Variants in SYT1 observed in about 807,000 individuals in gnomAD.
SYT1 encodes the protein synaptotagmin 1.
In SYT1, 8 loss-of-function variants were observed where a neutral mutation model predicts 44.8. The observed-to-expected ratio is 0.18, with a 90% CI of 0.10 to 0.32. The LOEUF (loss-of-function observed/expected upper bound fraction) is 0.32. Ranked by LOEUF, SYT1 falls within the 10% of genes least tolerant of loss-of-function variation. The pLI, the probability that SYT1 is intolerant of heterozygous loss-of-function variation, is 1.00. For missense variants in SYT1, 286 were observed against 509.3 expected (o/e 0.56, Z 4.22); for synonymous variants, 154 against 188.8 (o/e 0.82, Z 1.51).
At chr12:79,372,842 C>G (rs1174200206) in intron 9 of SYT1, among the ~76,000 whole-genome samples, 2 of 150,212 alleles carry the variant, frequency 1.3e-5, no homozygotes, top group Non-Finnish European at 1.5e-5. Flanking sequence ...AAATAGTTGT[C>G]CATCAGCACG....
At chr12:79,079,969 A>T (rs1446367161) in intron 3 of SYT1, among the ~76,000 whole-genome samples, 2 of 152,104 alleles carry the variant, frequency 1.3e-5, no homozygotes, top group African/African-American at 4.8e-5. Context: ...ATTCAAATTT[A>T]AGATTGAATT....
At chr12:79,314,585 A>T (rs1880990026) in intron 8 of SYT1, among the ~76,000 whole-genome samples, 1 of 152,230 alleles carries the variant, frequency 6.6e-6, no homozygotes, top group African/African-American at 2.4e-5. Context: ...GTTGGCAAAG[A>T]TGTGAAAAAA....
intron 1 of SYT1, among the ~76,000 whole-genome samples, chr12:78,884,412 T>C (rs931709855): frequency 5.3e-5 from 8 of 151,580 alleles, no homozygotes; most frequent in Admixed American, 2.0e-4. Context: ...AGTTTGATAA[T>C]TTAGTTTTTT....
intron 1 of SYT1, among the ~76,000 whole-genome samples, chr12:78,918,813 T>G (rs1876817187): frequency 6.6e-6 from 1 of 152,070 alleles, no homozygotes; most frequent in Admixed American, 6.6e-5. Flanking sequence ...CAAAGAAATA[T>G]CATGCATTTA....
chr12:79,237,063 A>C (rs1440893528), intron 4 of SYT1, among the ~76,000 whole-genome samples: 1 of 152,198 alleles, frequency 6.6e-6, no homozygotes. Flanking sequence ...GAAGGAGAGA[A>C]AGGCAGGACA....
rs551398962 is a variant in SYT1 at position 79,054,734 on chromosome 12, A to G, written c.-18+7372A>G. ...TCATCAAGTAGTTTATATTTTTAGT[A>G]ATTACAAATATAGAAAAGTTTGCTT... On this transcript the variant is annotated intron_variant, in intron 3 of 10. Coordinates refer to ENST00000261205, the MANE Select transcript of SYT1 (RefSeq NM_005639.3). Among the ~76,000 whole-genome samples the G allele has an allele frequency of 1.7e-4, 26 of 152,054 alleles. No homozygotes were observed. The South Asian group carries it at 3.1e-3, about 18-fold the overall frequency.
chr12:79,059,144 A>G (rs1875184560), intron 3 of SYT1, among the ~76,000 whole-genome samples: 2 of 151,982 alleles, frequency 1.3e-5, no homozygotes, highest in African/African-American at 2.4e-5. Flanking sequence ...TCCTTTTTAT[A>G]AAACCATCAG....
chr12:79,374,140 AG>A (rs1565931105), intron 9 of SYT1, among the ~76,000 whole-genome samples: 1 of 152,198 alleles, frequency 6.6e-6, no homozygotes, highest in Non-Finnish European at 1.5e-5. Context: ...ATGCCAGAAC[AG>A]GGGCACCTCT....
intron 9 of SYT1, among the ~76,000 whole-genome samples, chr12:79,379,291 CA>C (rs1884122812): frequency 1.3e-5 from 2 of 152,094 alleles, no homozygotes; most frequent in African/African-American, 4.8e-5. Context: ...AAGACTGCCA[CA>C]AATTGAAACC....
chr12:79,284,481 T>G (rs1879204498), intron 4 of SYT1, among the ~76,000 whole-genome samples: 3 of 152,128 alleles, frequency 2.0e-5, no homozygotes, highest in Admixed American at 2.0e-4. Context: ...GTGAGTAGTT[T>G]ATGTTTTTTC....
intron 8 of SYT1, among the ~76,000 whole-genome samples, chr12:79,322,906 A>G (rs1881433739): frequency 6.6e-6 from 1 of 152,202 alleles, no homozygotes; most frequent in African/African-American, 2.4e-5. Flanking sequence ...TTGAAACGAT[A>G]TCTGAAAGAA....
At chr12:78,894,341 T>G (rs1433757156) in intron 1 of SYT1, among the ~76,000 whole-genome samples, 2 of 113,250 alleles carry the variant, frequency 1.8e-5, no homozygotes, top group Admixed American at 8.7e-5. Flanking sequence ...TTTTTTTTTT[T>G]TTTTTTTTTT....
chr12:79,244,972 G>T (rs528406608), intron 4 of SYT1, among the ~76,000 whole-genome samples: 1 of 151,998 alleles, frequency 6.6e-6, no homozygotes, highest in African/African-American at 2.4e-5. Context: ...TGCAATTCCT[G>T]AAAATTTTTT....
intron 9 of SYT1, among the ~76,000 whole-genome samples, chr12:79,416,153 G>A (rs896599332): frequency 2.6e-5 from 4 of 152,124 alleles, no homozygotes; most frequent in Non-Finnish European, 5.9e-5. Context: ...AGGGAACCAC[G>A]AAGGCCAAGT....
intron 10 of SYT1, among the ~76,000 whole-genome samples, chr12:79,444,904 C>T (rs1278102708): frequency 6.6e-6 from 1 of 152,062 alleles, no homozygotes. Flanking sequence ...TTTCTCACCC[C>T]ATCTCCATAG....
Position 78,924,742 on chromosome 12 carries a change from G to A in SYT1, c.-216-53057G>A, listed in dbSNP as rs144617066. On this transcript the variant is annotated intron_variant, in intron 1 of 10. Transcript: ENST00000261205. ...GGAGCTCCTTCAAGCTAGCTTCTAC[G>A]TCCTTTTGATGTGTCTCCATAATTC... Among the ~76,000 whole-genome samples the A allele has an allele frequency of 6.7e-3, 1,002 of 150,476 alleles. 4 individuals carry two copies. The highest frequency in any genetic ancestry group is 0.012 in the Non-Finnish European group (810 of 67,572).
chr12:78,876,614 C>A (rs1217256156), intron 1 of SYT1, among the ~76,000 whole-genome samples: 2 of 136,448 alleles, frequency 1.5e-5, no homozygotes, highest in African/African-American at 2.7e-5. Flanking sequence ...TAAATATATA[C>A]ACATATGTAT....
chr12:79,029,420 A>G (rs1299681474), intron 2 of SYT1, among the ~76,000 whole-genome samples: 1 of 151,062 alleles, frequency 6.6e-6, no homozygotes, highest in Non-Finnish European at 1.5e-5. Context: ...TGGAGCAAAT[A>G]TATTTTTTCA....
intron 3 of SYT1, among the ~76,000 whole-genome samples, chr12:79,208,519 A>C (rs1874255473): frequency 6.6e-6 from 1 of 152,216 alleles, no homozygotes; most frequent in African/African-American, 2.4e-5. Context: ...GAGGAAATGG[A>C]GACTGAAGCA....
Sources: allele counts gnomAD v4.1 joint callset (sites outside exome capture counted in the v4.1 genomes callset), GRCh38; gene constraint gnomAD v4.1.1; transcripts MANE v1.5; gene names NCBI Gene and HGNC (gene_info 2026-07-23, HGNC 2026-07-21).